Variants in CNTNAP2 observed in about 807,000 individuals in gnomAD.
The protein encoded by CNTNAP2 is contactin-associated protein-like 2.
CNTNAP2 carries 98 observed loss-of-function variants against 155.2 expected under a neutral mutation model. That is an observed-to-expected ratio of 0.63 (90% CI 0.54 to 0.75). The LOEUF is 0.75. Among genes scored for constraint, CNTNAP2 ranks in the 30% least tolerant of loss-of-function variants. CNTNAP2 has a pLI of 0.00. For synonymous variants in CNTNAP2, 651 were observed against 631.2 expected (o/e 1.03, Z -0.47); for missense variants, 1,727 against 1,688.1 (o/e 1.02, Z -0.40).
intron 1 of CNTNAP2, among the ~76,000 whole-genome samples, chr7:146,251,061 T>G (rs1799748728): frequency 6.6e-6 from 1 of 152,184 alleles, no homozygotes; most frequent in Middle Eastern, 3.2e-3. Context: ...TATACATAAA[T>G]ATGAAATAAG....
chr7:147,866,894 C>G (rs1319951870), intron 13 of CNTNAP2, among the ~76,000 whole-genome samples: 2 of 152,118 alleles, frequency 1.3e-5, no homozygotes, highest in African/African-American at 4.8e-5. Context: ...GGTCTTGACT[C>G]TTTATCCAAT....
intron 14 of CNTNAP2, among the ~76,000 whole-genome samples, chr7:147,946,396 A>G (rs1248802159): frequency 2.0e-5 from 3 of 152,132 alleles, no homozygotes; most frequent in Non-Finnish European, 4.4e-5. Context: ...CAGACCAAGA[A>G]TAAGCAGGAA....
At chr7:146,325,936 C>A (rs1381283268) in intron 1 of CNTNAP2, among the ~76,000 whole-genome samples, 1 of 152,110 alleles carries the variant, frequency 6.6e-6, no homozygotes, top group Non-Finnish European at 1.5e-5. Flanking sequence ...ACTGAGCTTA[C>A]TTTACCAGTC....
At chr7:146,904,761 G>A (rs773143294) in intron 3 of CNTNAP2, among the ~76,000 whole-genome samples, 4 of 152,168 alleles carry the variant, frequency 2.6e-5, no homozygotes, top group African/African-American at 9.7e-5. Flanking sequence ...GTGAGCCACC[G>A]CGTCCGGCCG....
intron 13 of CNTNAP2, among the ~76,000 whole-genome samples, chr7:147,793,590 T>C (rs2116576824): frequency 6.6e-6 from 1 of 152,214 alleles, no homozygotes; most frequent in Middle Eastern, 3.4e-3. Context: ...GTTTTTGAAA[T>C]TGGAAAGTGT....
rs764133173 is a variant in CNTNAP2 at position 147,132,245 on chromosome 7, G to A, written c.1084G>A (p.Gly362Arg). The change falls in exon 8 of 24, where the codon GGA (glycine) becomes AGA (arginine). Residue 362 changes from glycine (G) to arginine (R), a missense_variant and splice_region_variant. Physicochemically the swap from Gly to Arg is moderately radical, Grantham distance 125. Transcript: ENST00000361727. ...RRKKLEPSNV[G>R]NLSFSCVEPY... ...CAGAGCCTGTCTTTCTATTTTACAG[G>A]GAAATTTGAGCTTTTCTTGTGTGGA... The A allele has an allele frequency of 3.7e-6, 6 of 1,613,482 alleles. No homozygotes were observed. The East Asian group carries it at 1.3e-4, about 36-fold the overall frequency.
In CNTNAP2 at chr7:146,141,529, A is replaced by G. The variant is rs537102716; in HGVS notation, c.97+24556A>G. 2.4e-4 allele frequency among the ~76,000 whole-genome samples: 36 copies of G among 152,288 alleles called. 1 individual carries two copies. The South Asian group carries it at 5.2e-3, about 22-fold the overall frequency. On this transcript the variant is annotated intron_variant, in intron 1 of 23. Coordinates refer to ENST00000361727, the MANE Select transcript of CNTNAP2 (RefSeq NM_014141.6). ...TTTTCATTTTCTTTAACATTTGTAT[A>G]TAAGTGTTCTATATTTAAATAACAA...
chr7:146,476,709 T>C (rs779458426), intron 1 of CNTNAP2, among the ~76,000 whole-genome samples: 1 of 152,158 alleles, frequency 6.6e-6, no homozygotes, highest in Non-Finnish European at 1.5e-5. Context: ...TAAGACTATA[T>C]ATGGAGAATC....
chr7:147,909,688 T>C (rs896282142), intron 14 of CNTNAP2, among the ~76,000 whole-genome samples: 9 of 152,258 alleles, frequency 5.9e-5, no homozygotes, highest in Non-Finnish European at 1.2e-4. Context: ...GGGTAATTCC[T>C]GGTCTCTTGC....
chr7:146,940,574 A>G lies in CNTNAP2; in HGVS notation c.402+100670A>G, dbSNP rs958381923. On this transcript the variant is annotated intron_variant, in intron 3 of 23. Transcript: ENST00000361727. Reference sequence around the variant, plus strand: ...GTGTTTGCTGTGTGTATGTATTACCATATTACACATGCAGTGATAAGAAGC... The same window carrying G: ...GTGTTTGCTGTGTGTATGTATTACCGTATTACACATGCAGTGATAAGAAGC... Among the ~76,000 whole-genome samples the G allele has an allele frequency of 5.9e-5, 9 of 152,198 alleles. No homozygotes were observed. The South Asian group carries it at 1.5e-3, about 25-fold the overall frequency.
intron 9 of CNTNAP2, among the ~76,000 whole-genome samples, chr7:147,370,823 T>C (rs965519946): frequency 2.6e-5 from 4 of 152,160 alleles, no homozygotes; most frequent in Non-Finnish European, 5.9e-5. Context: ...ATTTTTTTAA[T>C]TAGAAATTAA....
At chr7:147,090,541 T>C (rs1334368082) in intron 4 of CNTNAP2, among the ~76,000 whole-genome samples, 1 of 152,204 alleles carries the variant, frequency 6.6e-6, no homozygotes, top group Non-Finnish European at 1.5e-5. Context: ...TCTTAATTTA[T>C]TCAGATACTT....
chr7:148,256,985 A>G (rs959915724), intron 20 of CNTNAP2, among the ~76,000 whole-genome samples: 4 of 152,176 alleles, frequency 2.6e-5, no homozygotes, highest in Non-Finnish European at 5.9e-5. Flanking sequence ...AATTCCCAGA[A>G]GAAGCACAAA....
chr7:147,973,362 G>A (rs757375013), intron 14 of CNTNAP2, among the ~76,000 whole-genome samples: 6 of 152,024 alleles, frequency 3.9e-5, no homozygotes, highest in African/African-American at 7.3e-5. Context: ...GACCAAGGAG[G>A]CATCTTTATA....
chr7:146,383,865 A>G (rs1795424382), intron 1 of CNTNAP2, among the ~76,000 whole-genome samples: 1 of 152,202 alleles, frequency 6.6e-6, no homozygotes, highest in African/African-American at 2.4e-5. Flanking sequence ...TAGAGTCAGT[A>G]TCTCTGGCTT....
intron 13 of CNTNAP2, among the ~76,000 whole-genome samples, chr7:147,819,912 T>G (rs976741020): frequency 6.6e-6 from 1 of 152,182 alleles, no homozygotes; most frequent in African/African-American, 2.4e-5. Flanking sequence ...GTTTTTCAGT[T>G]TGTGGCCATT....
At chr7:146,765,481 T>C (rs1490932277) in intron 1 of CNTNAP2, among the ~76,000 whole-genome samples, 3 of 152,192 alleles carry the variant, frequency 2.0e-5, no homozygotes, top group African/African-American at 7.2e-5. Flanking sequence ...TTGCTTGCTT[T>C]TAGATGGATT....
intron 21 of CNTNAP2, among the ~76,000 whole-genome samples, chr7:148,330,717 G>C (rs1415410586): frequency 7.1e-6 from 1 of 141,642 alleles, no homozygotes; most frequent in Non-Finnish European, 1.5e-5. Flanking sequence ...GGGTGAAGTG[G>C]ATGGAGGGAA....
intron 1 of CNTNAP2, among the ~76,000 whole-genome samples, chr7:146,213,696 C>T (rs1025523913): frequency 6.6e-6 from 1 of 152,116 alleles, no homozygotes; most frequent in African/African-American, 2.4e-5. Flanking sequence ...AGTTCCCAAG[C>T]CATGTTCTCT....
Sources: gnomAD v4.1 joint callset for allele counts (sites outside exome capture counted in the v4.1 genomes callset) on GRCh38, gnomAD v4.1.1 for gene constraint, MANE v1.5 for transcripts, NCBI Gene and HGNC (gene_info 2026-07-23, HGNC 2026-07-21) for gene names.